JAG2: variants seen among roughly 807,000 people sequenced by gnomAD.
The protein encoded by JAG2 is protein jagged-2.
JAG2 carries 46 observed loss-of-function variants against 141.7 expected under a neutral mutation model. The observed-to-expected ratio is 0.32, with a 90% CI of 0.26 to 0.42. The LOEUF is 0.42. Among genes scored for constraint, JAG2 ranks in the 10% least tolerant of loss-of-function variants. The pLI is 1.00. For missense variants in JAG2, 1,500 were observed against 1,817.5 expected (o/e 0.83, Z 3.18); for synonymous variants, 862 against 763.5 (o/e 1.13, Z -2.13).
At chr14:105,166,248 G>A (rs1054203002) in intron 2 of JAG2, among the ~76,000 whole-genome samples, 7 of 152,368 alleles carry the variant, frequency 4.6e-5, no homozygotes, top group East Asian at 3.9e-4. Context: ...GGGCGGACAC[G>A]CGATAGCCCG....
chr14:105,152,123 G>A (rs76684207), intron 6 of JAG2, 38 bp downstream of exon 6: 106 of 1,613,434 alleles, frequency 6.6e-5, no homozygotes, highest in Non-Finnish European at 8.2e-5. Context: ...CCCACACTTC[G>A]ATGGCAGAGC....
intron 8 of JAG2, 51 bp downstream of exon 8, chr14:105,151,575 G>T: frequency 6.8e-7 from 1 of 1,474,042 alleles, no homozygotes; most frequent in Non-Finnish European, 9.3e-7. Context: ...CCCACTCCCA[G>T]ACCCCCACTG....
chr14:105,164,596 C>A (rs901086063), intron 2 of JAG2, among the ~76,000 whole-genome samples: 2 of 152,234 alleles, frequency 1.3e-5, no homozygotes, highest in Non-Finnish European at 2.9e-5. Context: ...CTGCCACGAG[C>A]AGCTTAGGTA....
rs1015174201 is a variant in JAG2, at chr14:105,162,619, A to G, written c.418-4856T>C. 3.2e-4 allele frequency among the ~76,000 whole-genome samples: 46 copies of G among 143,056 alleles called. 4 individuals carry two copies. Among genetic ancestry groups the G allele is most frequent in the African/African-American group, 1.2e-3 (42 of 33,926 alleles). 93.9% of individuals were successfully genotyped at this position (143,056 alleles called of 152,430 possible). ...AGCCCAGGGTACCCCAGAGCCCCAA[A>G]GCACTGCATGGCCCAGCACACCCCA... On this transcript the variant is annotated intron_variant, in intron 2 of 25. Transcript: ENST00000331782.
intron 9 of JAG2, 22 bp from the exon 10 acceptor site, chr14:105,151,126 A>G: frequency 2.5e-6 from 4 of 1,595,392 alleles, no homozygotes; most frequent in Non-Finnish European, 3.4e-6. Flanking sequence ...ACAAGGTGGG[A>G]GCCGTGGGGC....
At chr14:105,147,474 G>C (rs1566760731) in intron 19 of JAG2, 26 bp downstream of exon 19, 1 of 1,608,886 alleles carries the variant, frequency 6.2e-7, no homozygotes, top group East Asian at 2.2e-5. Flanking sequence ...ACCCACCCCT[G>C]CTGTGGCCCC....
intron 18 of JAG2, 69 bp downstream of exon 18, chr14:105,147,703 C>T (rs1296324623): frequency 1.4e-5 from 17 of 1,202,570 alleles, no homozygotes; most frequent in Non-Finnish European, 1.7e-5. Context: ...GACTGGGGGG[C>T]GAGTCGGGGG....
rs587724731 is a variant in JAG2, at chr14:105,155,831, G to T, written c.634C>A (p.Arg212=). The T allele has an allele frequency of 3.7e-6, 6 of 1,612,562 alleles. No homozygotes were observed. In the South Asian group the frequency reaches 6.6e-5, roughly 18 times the overall value. The part of the protein sequence containing the change: ...YYSATCNKFC[R]PRNDFFGHYT... ...TGGCCGAAAAAGTCGTTGCGGGGCC[G>T]GCAGAACTTGTTGCAAGTGGCGCTG... The change falls in exon 4 of 26, where the codon CGG becomes AGG. Residue 212 remains arginine (R), a synonymous_variant. Coordinates refer to ENST00000331782, the MANE Select transcript of JAG2 (RefSeq NM_002226.5).
rs756665342 is a variant in JAG2, at chr14:105,150,760, G to A, written c.1446C>T (p.Tyr482=). The A allele has an allele frequency of 1.5e-5, 24 of 1,587,984 alleles. No individual in the cohort carries two copies. Among genetic ancestry groups the A allele is most frequent in the Non-Finnish European group, 2.0e-5 (23 of 1,167,846 alleles). ...GGTCKDLVNG[Y]QCVCPRGFGG... ...CGAAGCCCCGTGGGCACACACACTG[G>A]TACCCGTTCACCAGGTCCTGGGCGG... Residue 482 remains tyrosine (Y), a synonymous_variant, in exon 12 of 26, where the codon TAC becomes TAT. Coordinates refer to ENST00000331782, the MANE Select transcript of JAG2 (RefSeq NM_002226.5).
chr14:105,167,272 C>A lies in JAG2; in HGVS notation c.417+485G>T, dbSNP rs1203780866. ...ACATAAGCGTTAGGCGTTAGGCTCT[C>A]CCGGGCCTAGGTCCCACGGCGCCCG... On this transcript the variant is annotated intron_variant, in intron 2 of 25. Transcript: ENST00000331782. The surrounding 1 kb of genome is among the most constrained non-coding windows in gnomAD (Gnocchi z 4.8). Among the ~76,000 whole-genome samples, 1 of 152,244 alleles carries A rather than the reference C, an allele frequency of 6.6e-6. No homozygotes were observed. The highest frequency in any genetic ancestry group is 6.5e-5 in the Admixed American group (1 of 15,290).
chr14:105,147,691 G>A (rs906091949), intron 18 of JAG2, 81 bp downstream of exon 18: 1 of 1,144,314 alleles, frequency 8.7e-7, no homozygotes. Context: ...GCTGGCAGAA[G>A]GGACTGGGGG....
At chr14:105,149,733 C>T (rs911237065) in intron 12 of JAG2, among the ~76,000 whole-genome samples, 4 of 148,490 alleles carry the variant, frequency 2.7e-5, no homozygotes, top group Admixed American at 2.7e-4. Context: ...CCCAAGAAGC[C>T]CTCTGGACAG....
intron 9 of JAG2, 37 bp from the exon 10 acceptor site, chr14:105,151,141 G>A (rs587765173): frequency 1.9e-6 from 3 of 1,566,400 alleles, no homozygotes; most frequent in African/African-American, 1.3e-5. Context: ...TGGGGCTCGG[G>A]CCCTGCCTGC....
rs1235046088 is a variant in JAG2 at position 105,167,736 on chromosome 14, C to A, written c.417+21G>T. On this transcript the variant is annotated intron_variant, in intron 2 of 25. Coordinates refer to ENST00000331782, the MANE Select transcript of JAG2 (RefSeq NM_002226.5). This position sits in a 1 kb window ranked among gnomAD's most constrained non-coding sequence, Gnocchi z 4.8. ...GGAGAGAGAGGGAAGGGCTGGAGCACGAGGGATGGAGCGCACGTACCGGCC... is the reference window on the plus strand; with the variant it reads ...GGAGAGAGAGGGAAGGGCTGGAGCAAGAGGGATGGAGCGCACGTACCGGCC... The A allele has an allele frequency of 2.8e-6, 4 of 1,441,448 alleles. No homozygotes were observed. The South Asian group carries it at 4.0e-5, about 15-fold the overall frequency. The allele number at this position is 1,441,448 out of a possible 1,614,324, so 89.3% of individuals were successfully genotyped here. A position where few individuals can be genotyped will look rare whatever the true frequency, so the allele number is the denominator to read the frequency against.
rs747377490 is a variant in JAG2, at chr14:105,145,815, G to A, written c.2868C>T (p.Ser956=). 6.4e-7 allele frequency: 1 copy of A among 1,566,736 alleles called. No individual in the cohort carries two copies. The highest frequency in any genetic ancestry group is 8.6e-7 in the Non-Finnish European group (1 of 1,156,556). The change falls in exon 23 of 26, where the codon AGC becomes AGT. Residue 956 remains serine (S), a synonymous_variant. Coordinates refer to ENST00000331782, the MANE Select transcript of JAG2 (RefSeq NM_002226.5). ...WGECGAEEPP[S]TPCLPRSGHL... ...GGCCGGAGCGTGGCAGGCAGGGGGT[G>A]CTCGGTGGCTCTTCTGCGCCGCACT...
intron 17 of JAG2, 41 bp from the exon 18 acceptor site, chr14:105,147,929 T>G (rs1888279261): frequency 6.9e-7 from 1 of 1,457,894 alleles, no homozygotes; most frequent in African/African-American, 1.4e-5. Flanking sequence ...CACCTGGCCC[T>G]GGGCTGGCCC....
At chr14:105,146,784 A>G (rs2140972770) in intron 20 of JAG2, 60 bp from the exon 21 acceptor site, 1 of 1,361,892 alleles carries the variant, frequency 7.3e-7, no homozygotes, top group Non-Finnish European at 1.0e-6. Flanking sequence ...CAGGACCGGC[A>G]TGGCCTAGGG....
chr14:105,147,492 C>T lies in JAG2; in HGVS notation c.2393+8G>A, dbSNP rs1201120195. 2 of 1,611,466 alleles carry T rather than the reference C, an allele frequency of 1.2e-6. No homozygotes were observed. The highest frequency in any genetic ancestry group is 1.7e-6 in the Non-Finnish European group (2 of 1,178,844). On this transcript the variant is annotated splice_region_variant and intron_variant, in intron 19 of 25. Transcript: ENST00000331782. ...CACCCCTGCTGTGGCCCCCAGGGTG[C>T]CACTCACCAAGGCAGAGGGTTGCAG...
rs1782997007 is a variant in JAG2 at position 105,142,595 on chromosome 14, C to T, written c.*100G>A. ...TTTTGTTTTTGGTGGTTTTTTTACA[C>T]AAAATAAAGAAACTATGCACATGGC... On this transcript the variant is annotated 3_prime_UTR_variant, in exon 26 of 26. Coordinates refer to ENST00000331782, the MANE Select transcript of JAG2 (RefSeq NM_002226.5). 1 of 866,796 alleles carries T rather than the reference C, an allele frequency of 1.2e-6. No individual in the cohort carries two copies. The highest frequency in any genetic ancestry group is 1.7e-5 in the African/African-American group (1 of 58,346). The allele number at this position is 866,796 out of a possible 1,614,324, so 53.7% of individuals were successfully genotyped here.
Sources: gnomAD v4.1 joint callset for allele counts (sites outside exome capture counted in the v4.1 genomes callset) on GRCh38, gnomAD v4.1.1 for gene constraint, Gnocchi (gnomAD v3.1) non-coding constraint, MANE v1.5 for transcripts, NCBI Gene and HGNC (gene_info 2026-07-23, HGNC 2026-07-21) for gene names.